IQGAP2: variants seen among roughly 807,000 people sequenced by gnomAD.
IQGAP2 encodes the protein IQ motif containing GTPase activating protein 2.
In IQGAP2, 173 loss-of-function variants were observed where a neutral mutation model predicts 201.3. The ratio of observed to expected loss-of-function variants is 0.86; its 90% CI spans 0.76 to 0.98. IQGAP2 has a LOEUF of 0.98. IQGAP2 is among the 50% of genes least tolerant of loss of function. IQGAP2 has a pLI of 0.00. For synonymous variants in IQGAP2, 675 were observed against 673.9 expected (o/e 1.00, Z -0.03); for missense variants, 1,687 against 1,864.8 (o/e 0.90, Z 1.76).
chr5:76,570,497 C>T (rs2150270283), intron 3 of IQGAP2, 83 bp from the exon 4 acceptor site: 2 of 880,340 alleles, frequency 2.3e-6, no homozygotes, highest in Middle Eastern at 2.6e-4. Context: ...GAAAAGCATC[C>T]TGTACATGAA....
chr5:76,559,847 C>A (rs1310066929), intron 2 of IQGAP2, among the ~76,000 whole-genome samples: 1 of 152,146 alleles, frequency 6.6e-6, no homozygotes, highest in Non-Finnish European at 1.5e-5. Context: ...ATAGTCCCCA[C>A]TGAGTGTGGT....
intron 2 of IQGAP2, among the ~76,000 whole-genome samples, chr5:76,489,439 A>G (rs13154264): frequency 0.55 from 83,735 of 151,896 alleles, 23,286 homozygotes; most frequent in Middle Eastern, 0.66. Context: ...CCTCTTCTAC[A>G]TGCAGTCTTT....
chr5:76,592,452 T>G (rs1343266474), intron 8 of IQGAP2, among the ~76,000 whole-genome samples: 2 of 152,246 alleles, frequency 1.3e-5, no homozygotes, highest in Non-Finnish European at 2.9e-5. Context: ...ATGCTTATAG[T>G]ACTTCTCTTA....
intron 30 of IQGAP2, among the ~76,000 whole-genome samples, chr5:76,685,523 T>C (rs761855567): frequency 1.1e-4 from 17 of 152,234 alleles, no homozygotes; most frequent in Non-Finnish European, 1.9e-4. Context: ...TTTATACTTA[T>C]TCCTGAACAT....
intron 20 of IQGAP2, among the ~76,000 whole-genome samples, chr5:76,656,253 C>T (rs979797690): frequency 3.3e-5 from 5 of 151,356 alleles, no homozygotes; most frequent in African/African-American, 9.7e-5. Flanking sequence ...GACGGAGTCT[C>T]GCTCTTTCGC....
At chr5:76,601,364 CG>C (rs1455950040) in intron 11 of IQGAP2, among the ~76,000 whole-genome samples, 1 of 152,118 alleles carries the variant, frequency 6.6e-6, no homozygotes, top group Admixed American at 6.5e-5. Context: ...AAACAGAATC[CG>C]GGTTATGGAC....
intron 18 of IQGAP2, 122 bp from the exon 19 acceptor site, chr5:76,654,078 C>G: frequency 1.6e-6 from 1 of 608,646 alleles, no homozygotes; most frequent in South Asian, 2.2e-5. Flanking sequence ...TGCTTTTTTT[C>G]TTTATCAAGT....
At chr5:76,410,817 G>A (rs962185363) in intron 1 of IQGAP2, among the ~76,000 whole-genome samples, 1 of 152,202 alleles carries the variant, frequency 6.6e-6, no homozygotes, top group East Asian at 1.9e-4. Flanking sequence ...GAATGACTTA[G>A]ACTGTGTTTC....
At chr5:76,476,401 T>C (rs546684321) in intron 2 of IQGAP2, among the ~76,000 whole-genome samples, 2 of 152,318 alleles carry the variant, frequency 1.3e-5, no homozygotes, top group Admixed American at 1.3e-4. Context: ...ATCCTCTCTT[T>C]GTCCTGGGAG....
chr5:76,485,917 C>T (rs141584732), intron 2 of IQGAP2, among the ~76,000 whole-genome samples: 257 of 152,058 alleles, frequency 1.7e-3, no homozygotes, highest in African/African-American at 6.1e-3. Flanking sequence ...TATTTTTTTC[C>T]ACAGCTTTAG....
At position 76,592,989 on chromosome 5, in the gene IQGAP2, A is replaced by G. The variant is rs959034866; in HGVS notation, c.907+64A>G. On this transcript the variant is annotated intron_variant, in intron 9 of 35. Coordinates refer to ENST00000274364, the MANE Select transcript of IQGAP2 (RefSeq NM_006633.5). The stretch of plus-strand genomic sequence containing the variant: ...TAAGATACAGACTTTCCTTGCCAGA[A>G]TCCCAACACAACTCTCAATTTGTAT... The G allele has an allele frequency of 5.5e-6, 6 of 1,083,526 alleles. No individual in the cohort carries two copies. In the East Asian group the frequency reaches 1.4e-4, roughly 26 times the overall value. 67.1% of individuals were successfully genotyped at this position (1,083,526 alleles called of 1,614,324 possible). A position where few individuals can be genotyped will look rare whatever the true frequency, so the allele number is the denominator to read the frequency against.
At chr5:76,680,493 C>G (rs1226013203) in intron 28 of IQGAP2, among the ~76,000 whole-genome samples, 1 of 152,220 alleles carries the variant, frequency 6.6e-6, no homozygotes, top group South Asian at 2.1e-4. Flanking sequence ...TAGACTTCAT[C>G]AAAATTGAAA....
At chr5:76,655,138 T>C in intron 20 of IQGAP2, 135 bp downstream of exon 20, 1 of 617,968 alleles carries the variant, frequency 1.6e-6, no homozygotes, top group African/African-American at 1.8e-5. Flanking sequence ...TTTGATCATC[T>C]CAGGCCCCAG....
intron 2 of IQGAP2, among the ~76,000 whole-genome samples, chr5:76,561,683 T>C (rs1158246603): frequency 1.3e-5 from 2 of 152,196 alleles, no homozygotes; most frequent in African/African-American, 4.8e-5. Flanking sequence ...CCTCTCCCAC[T>C]GTAAGTCCTT....
chr5:76,423,384 A>C (rs1751830806), intron 1 of IQGAP2, among the ~76,000 whole-genome samples: 1 of 152,184 alleles, frequency 6.6e-6, no homozygotes, highest in South Asian at 2.1e-4. Flanking sequence ...GCACTTTGGC[A>C]GGCCTAGGCG....
chr5:76,612,510 A>T (rs955393187), intron 13 of IQGAP2, among the ~76,000 whole-genome samples: 1 of 151,810 alleles, frequency 6.6e-6, no homozygotes, highest in Non-Finnish European at 1.5e-5. Flanking sequence ...TAAATACATA[A>T]AATAAAATAA....
chr5:76,536,863 C>T lies in IQGAP2; in HGVS notation c.147-25533C>T, dbSNP rs189909312. 2.6e-3 allele frequency among the ~76,000 whole-genome samples: 403 copies of T among 152,090 alleles called. 3 individuals carry two copies. The highest frequency in any genetic ancestry group is 9.2e-3 in the African/African-American group (380 of 41,478). Reference sequence around the variant, plus strand: ...AAAATGATTCAGAAACCGGACAGAGCTTTGCATAAGAGGTGTAAATTGTGA... The same window carrying T: ...AAAATGATTCAGAAACCGGACAGAGTTTTGCATAAGAGGTGTAAATTGTGA... On this transcript the variant is annotated intron_variant, in intron 2 of 35. Coordinates refer to ENST00000274364, the MANE Select transcript of IQGAP2 (RefSeq NM_006633.5).
chr5:76,605,185 T>C (rs1448238638), intron 11 of IQGAP2, among the ~76,000 whole-genome samples: 1 of 152,202 alleles, frequency 6.6e-6, no homozygotes, highest in East Asian at 1.9e-4. Flanking sequence ...GGAAAATTGA[T>C]AATTGAGAAG....
intron 2 of IQGAP2, among the ~76,000 whole-genome samples, chr5:76,522,530 G>A (rs1257463244): frequency 6.6e-6 from 1 of 152,102 alleles, no homozygotes; most frequent in Admixed American, 6.5e-5. Context: ...TTACCTCAAG[G>A]AAATGTACGA....
Sources: gnomAD v4.1 joint callset for allele counts (sites outside exome capture counted in the v4.1 genomes callset) on GRCh38, gnomAD v4.1.1 for gene constraint, MANE v1.5 for transcripts, NCBI Gene and HGNC (gene_info 2026-07-23, HGNC 2026-07-21) for gene names.